NREP: variants seen among roughly 807,000 people sequenced by gnomAD.
NREP encodes neuronal regeneration-related protein.
Under a neutral mutation model 8.6 loss-of-function variants are expected in NREP, and 5 were observed. That is an observed-to-expected ratio of 0.58 (90% confidence interval 0.30 to 1.22). The LOEUF is 1.22. Among genes scored for constraint, NREP ranks in the 50% most tolerant of loss-of-function variants. NREP has a pLI of 0.07. For missense variants in NREP, 86 were observed against 82.5 expected (o/e 1.04, Z -0.17); for synonymous variants, 27 against 28.0 (o/e 0.96, Z 0.11).
At chr5:111,859,773 T>C (rs1471267584) in intron 2 of NREP, among the ~76,000 whole-genome samples, 2 of 152,092 alleles carry the variant, frequency 1.3e-5, no homozygotes, top group Non-Finnish European at 2.9e-5. Context: ...GGCAACTTTA[T>C]CTGTCCAGTC....
chr5:111,757,718 C>T (rs1750822936), upstream of NREP: 14 of 984,520 alleles, frequency 1.4e-5, no homozygotes, highest in Non-Finnish European at 1.7e-5. Flanking sequence ...CGCAGCTCTG[C>T]GCCCCGGCCC....
chr5:111,798,734 G>GGTGTGTGTGTGTGTGTGT (rs571252142), intron 2 of NREP, among the ~76,000 whole-genome samples: 1 of 135,584 alleles, frequency 7.4e-6, no homozygotes, highest in African/African-American at 2.8e-5. Flanking sequence ...AGTATTCCAT[G>GGTGTGTGTGTGTGTGTGT]GTGTGTGTGT....
At chr5:111,749,825 C>G (rs973920287) in intron 2 of NREP, among the ~76,000 whole-genome samples, 2 of 152,170 alleles carry the variant, frequency 1.3e-5, no homozygotes, top group African/African-American at 4.8e-5. Context: ...AAAGGATAAG[C>G]ATGCTCCCTT....
intron 2 of NREP, among the ~76,000 whole-genome samples, chr5:111,772,797 T>C (rs1000044006): frequency 6.6e-6 from 1 of 152,208 alleles, no homozygotes; most frequent in Admixed American, 6.5e-5. Flanking sequence ...TATCTTTTCA[T>C]TAATCTTCTT....
At chr5:111,887,561 A>G (rs976769597) in intron 2 of NREP, among the ~76,000 whole-genome samples, 1 of 152,206 alleles carries the variant, frequency 6.6e-6, no homozygotes, top group Non-Finnish European at 1.5e-5. Context: ...TGCACAATGC[A>G]GAGTAGCAGC....
At chr5:111,775,061 GT>G (rs1181319553) in intron 2 of NREP, among the ~76,000 whole-genome samples, 1 of 152,078 alleles carries the variant, frequency 6.6e-6, no homozygotes, top group Non-Finnish European at 1.5e-5. Flanking sequence ...GTTGTTTTCT[GT>G]TTTTTTCTTT....
intron 2 of NREP, among the ~76,000 whole-genome samples, chr5:111,910,942 G>A (rs1205184445): frequency 6.6e-6 from 1 of 152,002 alleles, no homozygotes; most frequent in Non-Finnish European, 1.5e-5. Flanking sequence ...GCTTCAGAGA[G>A]GCATCACCTG....
chr5:111,885,534 A>G (rs1235169004), intron 2 of NREP, among the ~76,000 whole-genome samples: 5 of 152,232 alleles, frequency 3.3e-5, no homozygotes, highest in South Asian at 2.1e-4. Flanking sequence ...AGCCAAAAGA[A>G]CAAAGCTGGA....
At chr5:111,860,023 T>C (rs994271484) in intron 2 of NREP, among the ~76,000 whole-genome samples, 2 of 152,182 alleles carry the variant, frequency 1.3e-5, no homozygotes, top group African/African-American at 4.8e-5. Flanking sequence ...GATTCTCTTA[T>C]TACATGCAAG....
intron 2 of NREP, among the ~76,000 whole-genome samples, chr5:111,811,072 G>A (rs1333445935): frequency 6.6e-6 from 1 of 152,166 alleles, no homozygotes; most frequent in Non-Finnish European, 1.5e-5. Flanking sequence ...GTACAATAGT[G>A]TGGAATAAAC....
At chr5:111,826,446 T>TA (rs1752629665) in intron 2 of NREP, among the ~76,000 whole-genome samples, 1 of 152,170 alleles carries the variant, frequency 6.6e-6, no homozygotes, top group South Asian at 2.1e-4. Context: ...TTATGAGCTG[T>TA]AACACTGACC....
intron 2 of NREP, among the ~76,000 whole-genome samples, chr5:111,830,149 A>G (rs1752729491): frequency 6.6e-6 from 1 of 151,812 alleles, no homozygotes; most frequent in African/African-American, 2.4e-5. Flanking sequence ...AGGAGTTTTC[A>G]GCTGTTTTTT....
intron 2 of NREP, among the ~76,000 whole-genome samples, chr5:111,934,227 T>C (rs145493656): frequency 1.8e-3 from 278 of 152,176 alleles, no homozygotes; most frequent in Non-Finnish European, 2.5e-3. Context: ...GAGAGTTCCA[T>C]TGCGGGCATA....
At chr5:111,903,067 T>G (rs972811001) in intron 2 of NREP, among the ~76,000 whole-genome samples, 14 of 150,984 alleles carry the variant, frequency 9.3e-5, no homozygotes, top group Non-Finnish European at 1.5e-4. Context: ...TTCCATGAAT[T>G]GTCTTGTCTT....
chr5:111,953,784 T>A (rs1756232406), intron 2 of NREP, among the ~76,000 whole-genome samples: 1 of 151,612 alleles, frequency 6.6e-6, no homozygotes, highest in Non-Finnish European at 1.5e-5. Context: ...CAAATAACAG[T>A]GAAAGGGGAG....
rs374388355 is a variant in NREP at position 111,734,997 on chromosome 5, G to C, written c.81+433C>G. ...AAATGGTTTTTAGGCTCAAAAATTA[G>C]AAGAAAGAAATGTAACAGTTTTTTT... is the stretch of plus-strand genomic sequence containing the variant. On this transcript the variant is annotated intron_variant, in intron 3 of 3. Transcript: ENST00000257435. 4.2e-5 allele frequency: 16 copies of C among 381,374 alleles called. No homozygotes were observed. In the South Asian group the frequency reaches 1.3e-3, roughly 31 times the overall value. 23.6% of individuals were successfully genotyped at this position (381,374 alleles called of 1,614,324 possible).
intron 2 of NREP, among the ~76,000 whole-genome samples, chr5:111,839,108 A>G (rs1315863130): frequency 6.6e-6 from 1 of 152,176 alleles, no homozygotes; most frequent in Non-Finnish European, 1.5e-5. Context: ...TACAATGAAC[A>G]AAACATACTC....
rs897959638 is a variant in NREP at position 111,757,116 on chromosome 5, T to G, written c.-59+20A>C. ...AGAAACCAGCGCTCCCAGCCGGGGA[T>G]AGGAATGGCATATACTTACAGACAA... is the stretch of plus-strand genomic sequence containing the variant. On this transcript the variant is annotated intron_variant, in intron 1 of 3. Coordinates refer to ENST00000257435, the MANE Select transcript of NREP (RefSeq NM_004772.4). 3 of 752,536 alleles carry G rather than the reference T, an allele frequency of 4.0e-6. No individual in the cohort carries two copies. The highest frequency in any genetic ancestry group is 4.9e-6 in the Non-Finnish European group (3 of 618,308). 46.6% of individuals were successfully genotyped at this position (752,536 alleles called of 1,614,324 possible).
At chr5:111,903,206 C>T (rs1754691231) in intron 2 of NREP, among the ~76,000 whole-genome samples, 1 of 151,296 alleles carries the variant, frequency 6.6e-6, no homozygotes, top group African/African-American at 2.4e-5. Context: ...GCCTCAGCCT[C>T]CCAAAGTAGT....
Sources: gnomAD v4.1 joint callset for allele counts (sites outside exome capture counted in the v4.1 genomes callset) on GRCh38, gnomAD v4.1.1 for gene constraint, MANE v1.5 for transcripts, NCBI Gene and HGNC (gene_info 2026-07-23, HGNC 2026-07-21) for gene names.